Variants in MOB4 observed in about 807,000 individuals in gnomAD.
MOB4 encodes the protein MOB family member 4, phocein, also known as MOB-like protein phocein.
A neutral mutation model predicts 32.2 loss-of-function variants in MOB4; 4 were observed. That is an observed-to-expected ratio of 0.12 (90% confidence interval 0.06 to 0.28). The LOEUF (loss-of-function observed/expected upper bound fraction) is 0.28. Among genes scored for constraint, MOB4 ranks in the 10% least tolerant of loss-of-function variants. The pLI is 1.00. For missense variants in MOB4, 158 were observed against 271.2 expected, an observed-to-expected ratio of 0.58 and a Z score of 2.93; for synonymous variants, 88 against 88.1, an observed-to-expected ratio of 1.00 and a Z score of 0.01.
upstream of MOB4, chr2:197,516,041 GT>G (rs1166905477): frequency 3.9e-6 from 6 of 1,545,954 alleles, no homozygotes; most frequent in African/African-American, 6.9e-5. Context: ...GCAGGCTGCC[GT>G]CCCTACATCC....
At chr2:197,518,360 C>A (rs971696177) in intron 1 of MOB4, among the ~76,000 whole-genome samples, 2 of 151,896 alleles carry the variant, frequency 1.3e-5, no homozygotes, top group African/African-American at 4.8e-5. Flanking sequence ...ACCTCCACCT[C>A]CCGAGTTCAA....
chr2:197,533,696 G>A (rs1391938600), intron 2 of MOB4: 1 of 309,492 alleles, frequency 3.2e-6, no homozygotes, highest in Non-Finnish European at 6.1e-6. Context: ...TTGCACTCCA[G>A]CCTGGGCGAC....
At chr2:197,529,489 C>T (rs1378452905) in intron 2 of MOB4, among the ~76,000 whole-genome samples, 1 of 151,442 alleles carries the variant, frequency 6.6e-6, no homozygotes, top group African/African-American at 2.4e-5. Flanking sequence ...GTAGCTGGGA[C>T]TACAGGTGCA....
Position 197,547,190 on chromosome 2 carries a change from G to A in MOB4, c.355-1146G>A, listed in dbSNP as rs80264962. Among the ~76,000 whole-genome samples, 684 of 152,276 alleles carry A rather than the reference G, an allele frequency of 4.5e-3. 20 individuals are homozygous for A. The highest frequency in any genetic ancestry group is 0.036 in the Admixed American group (546 of 15,290). ...TGTTCATGTCGTTGAGTAGGCTGAG[G>A]AGAAAGAGAAAGAAGTGGGGTTGGT... On this transcript the variant is annotated intron_variant, in intron 5 of 7. Coordinates refer to ENST00000323303, the MANE Select transcript of MOB4 (RefSeq NM_015387.5).
chr2:197,526,462 G>A lies in MOB4; in HGVS notation c.123+2776G>A, dbSNP rs562605476. On this transcript the variant is annotated intron_variant, in intron 2 of 7. Transcript: ENST00000323303. ...CTCCTGAATAGCTGGGATTACAGGC[G>A]CCCGCCCCTGCGCCTGGTTAATTTT... Among the ~76,000 whole-genome samples, 6 of 152,100 alleles carry A rather than the reference G, an allele frequency of 3.9e-5. No individual in the cohort carries two copies. The South Asian group carries it at 8.3e-4, about 21-fold the overall frequency.
chr2:197,548,259 G>A, intron 5 of MOB4, 77 bp from the exon 6 acceptor site: 3 of 1,275,166 alleles, frequency 2.4e-6, no homozygotes, highest in Non-Finnish European at 3.3e-6. Flanking sequence ...TTGGAATAAG[G>A]TATACCCATA....
At chr2:197,523,806 T>G in intron 2 of MOB4, 120 bp downstream of exon 2, 1 of 922,348 alleles carries the variant, frequency 1.1e-6, no homozygotes, top group Non-Finnish European at 1.5e-6. Context: ...AAGCGTGCTC[T>G]TTCACAAAAC....
intron 1 of MOB4, 170 bp downstream of exon 1, chr2:197,516,316 G>C: frequency 7.0e-7 from 1 of 1,430,162 alleles, no homozygotes. Flanking sequence ...GGCTGAGGCG[G>C]TGGCGGCCGC....
chr2:197,538,137 G>GT (rs1380857288), intron 3 of MOB4, among the ~76,000 whole-genome samples: 6,677 of 139,124 alleles, frequency 0.048, 458 homozygotes, highest in African/African-American at 0.16. Flanking sequence ...TGTTACAAGG[G>GT]TTTTTTTTTT....
rs758788773 is a variant in MOB4 at position 197,516,096 on chromosome 2, G to C, written c.10G>C (p.Ala4Pro). ...CCTAGACGCTGGCACTATGGTCATGGCGGAGGGGACGGCAGTGCTGAGGCG... is the reference window on the plus strand; with the variant it reads ...CCTAGACGCTGGCACTATGGTCATGCCGGAGGGGACGGCAGTGCTGAGGCG... MVMAEGTAVLRRNR... is the reference protein window; with the variant it reads MVMPEGTAVLRRNR... The change falls in exon 1 of 8, where the codon GCG becomes CCG. Residue 4 changes from alanine (A) to proline (P), a missense_variant. By Grantham distance (27) the Ala-to-Pro change is conservative. Transcript: ENST00000323303. 6.2e-7 allele frequency: 1 copy of C among 1,600,218 alleles called. No homozygotes were observed.
chr2:197,538,642 A>G (rs544274720), intron 3 of MOB4, among the ~76,000 whole-genome samples: 2 of 152,278 alleles, frequency 1.3e-5, no homozygotes, highest in Admixed American at 6.5e-5. Context: ...AACTGTGTAC[A>G]TGTTAGCCCT....
At chr2:197,521,209 A>G (rs1289243019) in intron 1 of MOB4, among the ~76,000 whole-genome samples, 5 of 152,132 alleles carry the variant, frequency 3.3e-5, no homozygotes, top group African/African-American at 2.4e-5. Context: ...AAAGAGAGAA[A>G]TTTTAAAGTT....
chr2:197,523,897 G>GCA (rs2086564053), intron 2 of MOB4, among the ~76,000 whole-genome samples: 2 of 152,144 alleles, frequency 1.3e-5, no homozygotes, highest in African/African-American at 4.8e-5. Flanking sequence ...ATATCTTTTC[G>GCA]CATAGAGAAG....
At position 197,550,266 on chromosome 2, in the gene MOB4, T is replaced by C; in HGVS notation, c.435-9T>C. ...TTCTAAGAATCTATGGTTTCTTTTCTACTTCTAGGGTTAGCATAAAGGAAT... is the reference window on the plus strand; with the variant it reads ...TTCTAAGAATCTATGGTTTCTTTTCCACTTCTAGGGTTAGCATAAAGGAAT... On this transcript the variant is annotated splice_polypyrimidine_tract_variant and intron_variant, in intron 6 of 7. Coordinates refer to ENST00000323303, the MANE Select transcript of MOB4 (RefSeq NM_015387.5). 2 of 1,600,776 alleles carry C rather than the reference T, an allele frequency of 1.2e-6. No homozygotes were observed. Among genetic ancestry groups the C allele is most frequent in the Non-Finnish European group, 1.7e-6 (2 of 1,175,684 alleles).
At chr2:197,524,777 CTT>C (rs76056106) in intron 2 of MOB4, among the ~76,000 whole-genome samples, 2 of 143,310 alleles carry the variant, frequency 1.4e-5, no homozygotes. Context: ...CTGCACCTGT[CTT>C]TTTTTTTTTT....
rs536677325 is a variant in MOB4, at chr2:197,521,127, C to T, written c.61-2497C>T. Among the ~76,000 whole-genome samples, 60 of 152,060 alleles carry T rather than the reference C, an allele frequency of 3.9e-4. 1 individual carries two copies. In the South Asian group the frequency reaches 0.01, roughly 26 times the overall value. The stretch of plus-strand genomic sequence containing the variant: ...AACATTTGTATCGGGGAACCTGCCC[C>T]GATAGTCACGTAGGTTCTTTTCTAT... On this transcript the variant is annotated intron_variant, in intron 1 of 7. Transcript: ENST00000323303.
chr2:197,525,296 C>T (rs1274215101), intron 2 of MOB4, among the ~76,000 whole-genome samples: 8 of 149,996 alleles, frequency 5.3e-5, no homozygotes, highest in East Asian at 2.0e-4. Context: ...TGCAGTGAGC[C>T]GAGATCGTGC....
At chr2:197,521,147 T>G (rs2086510616) in intron 1 of MOB4, among the ~76,000 whole-genome samples, 1 of 152,126 alleles carries the variant, frequency 6.6e-6, no homozygotes. Flanking sequence ...GTAGGTTCTT[T>G]TCTATTTTCC....
At chr2:197,526,420 G>A (rs2086613076) in intron 2 of MOB4, among the ~76,000 whole-genome samples, 1 of 152,202 alleles carries the variant, frequency 6.6e-6, no homozygotes, top group African/African-American at 2.4e-5. Context: ...GGGTTCAAGC[G>A]ATTGTCCTGC....
Sources: allele counts gnomAD v4.1 joint callset (sites outside exome capture counted in the v4.1 genomes callset), GRCh38; gene constraint gnomAD v4.1.1; transcripts MANE v1.5; gene names NCBI Gene and HGNC (gene_info 2026-07-23, HGNC 2026-07-21).